The following PDIA5 variants were observed in gnomAD, a reference collection of about 807,000 sequenced individuals.
PDIA5 encodes protein disulfide-isomerase A5.
Under a neutral mutation model 77.6 loss-of-function variants are expected in PDIA5, and 58 were observed. The ratio of observed to expected loss-of-function variants is 0.75; its 90% CI spans 0.61 to 0.93. The LOEUF is 0.93. Ranked by LOEUF, PDIA5 falls within the 40% of genes least tolerant of loss-of-function variation. PDIA5 has a pLI of 0.00. For missense variants in PDIA5, 630 were observed against 647.7 expected (o/e 0.97, Z 0.30); for synonymous variants, 250 against 252.1 (o/e 0.99, Z 0.08).
At chr3:123,085,599 G>T (rs978551440) in intron 1 of PDIA5, among the ~76,000 whole-genome samples, 1 of 152,138 alleles carries the variant, frequency 6.6e-6, no homozygotes, top group Non-Finnish European at 1.5e-5. Flanking sequence ...GCCTCTAGTG[G>T]TTTCTCTTGT....
intron 1 of PDIA5, among the ~76,000 whole-genome samples, chr3:123,068,858 C>G (rs184032127): frequency 6.6e-6 from 1 of 152,146 alleles, no homozygotes; most frequent in African/African-American, 2.4e-5. Context: ...GTACTAGTAT[C>G]CTTCACTGAA....
At position 123,124,265 on chromosome 3, in the gene PDIA5, T is replaced by C. The variant is rs968261465; in HGVS notation, c.702-7T>C. Reference sequence around the variant, plus strand: ...CTGAGCCCACGTTGTTTCTCCACGTTTCACAGGAAAGGACGGTTCTTGTTC... The same window carrying C: ...CTGAGCCCACGTTGTTTCTCCACGTCTCACAGGAAAGGACGGTTCTTGTTC... On this transcript the variant is annotated splice_region_variant and splice_polypyrimidine_tract_variant and intron_variant, in intron 9 of 16. Coordinates refer to ENST00000316218, the MANE Select transcript of PDIA5 (RefSeq NM_006810.4). 1 of 1,611,002 alleles carries C rather than the reference T, an allele frequency of 6.2e-7. No homozygotes were observed. Among genetic ancestry groups the C allele is most frequent in the Non-Finnish European group, 8.5e-7 (1 of 1,177,212 alleles).
intron 10 of PDIA5, among the ~76,000 whole-genome samples, chr3:123,128,505 TTTTTA>T (rs1935293256): frequency 6.6e-6 from 1 of 151,924 alleles, no homozygotes; most frequent in South Asian, 2.1e-4. Flanking sequence ...TATTTTTTAT[TTTTTA>T]TTTTTTTATT....
At chr3:123,103,907 G>A (rs1175411662) in intron 5 of PDIA5, among the ~76,000 whole-genome samples, 2 of 152,332 alleles carry the variant, frequency 1.3e-5, no homozygotes, top group African/African-American at 4.8e-5. Context: ...CTTATGCAAT[G>A]ATGGAAAGAG....
At chr3:123,157,438 C>T (rs1352086269) in intron 15 of PDIA5, among the ~76,000 whole-genome samples, 2 of 152,302 alleles carry the variant, frequency 1.3e-5, no homozygotes, top group Non-Finnish European at 2.9e-5. Flanking sequence ...GGCCTGTCCC[C>T]TCTCCCTTTA....
rs184891500 is a variant in PDIA5, at chr3:123,124,188, C to T, written c.701+31C>T. 8 of 1,590,974 alleles carry T rather than the reference C, an allele frequency of 5.0e-6. No individual in the cohort carries two copies. In the East Asian group the frequency reaches 1.8e-4, roughly 36 times the overall value. Reference sequence around the variant, plus strand: ...TCCCCCACTTTCCTTCTAAAGCTCACCTCCCTCCCTGGTGATTGACCATAA... The same window carrying T: ...TCCCCCACTTTCCTTCTAAAGCTCATCTCCCTCCCTGGTGATTGACCATAA... On this transcript the variant is annotated intron_variant, in intron 9 of 16. Coordinates refer to ENST00000316218, the MANE Select transcript of PDIA5 (RefSeq NM_006810.4).
At chr3:123,146,305 G>GCCC (rs758517984) in intron 13 of PDIA5, 46 bp downstream of exon 13, 1 of 1,545,184 alleles carries the variant, frequency 6.5e-7, no homozygotes, top group Non-Finnish European at 8.9e-7. Flanking sequence ...CCAGCTGGCG[G>GCCC]CCCCTGGAGA....
intron 14 of PDIA5, among the ~76,000 whole-genome samples, chr3:123,153,612 C>G (rs139852619): frequency 1.3e-5 from 2 of 152,126 alleles, no homozygotes; most frequent in Non-Finnish European, 2.9e-5. Context: ...TGGCCCAGGT[C>G]TCTTCTGCTC....
intron 15 of PDIA5, among the ~76,000 whole-genome samples, chr3:123,157,584 C>G (rs1325977890): frequency 6.6e-6 from 1 of 152,104 alleles, no homozygotes; most frequent in African/African-American, 2.4e-5. Context: ...GTTTTTCCAC[C>G]CAGAAGCCAG....
chr3:123,143,318 G>A (rs1254374004), intron 11 of PDIA5, among the ~76,000 whole-genome samples: 2 of 150,708 alleles, frequency 1.3e-5, no homozygotes, highest in Non-Finnish European at 2.9e-5. Flanking sequence ...CCAGGAGGCG[G>A]AGGTTGCAGT....
At chr3:123,161,609 G>A in intron 16 of PDIA5, 154 bp downstream of exon 16, 1 of 821,272 alleles carries the variant, frequency 1.2e-6, no homozygotes, top group East Asian at 2.6e-5. Flanking sequence ...GCCTGGCTGA[G>A]GCTTGACATT....
intron 11 of PDIA5, among the ~76,000 whole-genome samples, chr3:123,133,469 G>A (rs1224086315): frequency 6.6e-6 from 1 of 152,192 alleles, no homozygotes; most frequent in Non-Finnish European, 1.5e-5. Context: ...TTGTTTCTTG[G>A]GATAGGATTG....
intron 6 of PDIA5, among the ~76,000 whole-genome samples, chr3:123,110,525 G>A (rs989721517): frequency 1.3e-5 from 2 of 152,150 alleles, no homozygotes; most frequent in African/African-American, 2.4e-5. Context: ...CAACAAAACC[G>A]CTGTGTAAGT....
chr3:123,114,901 T>C (rs1171589603), intron 7 of PDIA5, among the ~76,000 whole-genome samples: 1 of 152,182 alleles, frequency 6.6e-6, no homozygotes, highest in Admixed American at 6.5e-5. Context: ...TGTGAGTCCA[T>C]CTGTCAGACA....
At chr3:123,119,971 T>G (rs775477478) in intron 8 of PDIA5, among the ~76,000 whole-genome samples, 69 of 152,198 alleles carry the variant, frequency 4.5e-4, no homozygotes, top group Non-Finnish European at 1.5e-4. Context: ...AACTTACAGC[T>G]GCCTCTTTTG....
intron 6 of PDIA5, among the ~76,000 whole-genome samples, chr3:123,109,752 G>C (rs1055119235): frequency 3.4e-4 from 52 of 151,770 alleles, no homozygotes; most frequent in African/African-American, 1.2e-3. Context: ...TATTTTTGTA[G>C]TCTTCCAGGC....
intron 3 of PDIA5, among the ~76,000 whole-genome samples, chr3:123,097,775 GTCCAC>G (rs1934478764): frequency 6.6e-6 from 1 of 152,028 alleles, no homozygotes; most frequent in South Asian, 2.1e-4. Context: ...GGCATCACAG[GTCCAC>G]CTGGCCAGAA....
At chr3:123,138,779 T>C (rs952730815) in intron 11 of PDIA5, among the ~76,000 whole-genome samples, 1 of 152,104 alleles carries the variant, frequency 6.6e-6, no homozygotes, top group Non-Finnish European at 1.5e-5. Context: ...TCTGCTGGCA[T>C]TTGTAGGAAA....
At chr3:123,086,492 C>A (rs1487295723) in intron 1 of PDIA5, among the ~76,000 whole-genome samples, 1 of 152,172 alleles carries the variant, frequency 6.6e-6, no homozygotes, top group East Asian at 1.9e-4. Flanking sequence ...TACTTACTAG[C>A]TATGTAATTT....
Sources: allele counts gnomAD v4.1 joint callset (sites outside exome capture counted in the v4.1 genomes callset), GRCh38; gene constraint gnomAD v4.1.1; transcripts MANE v1.5; gene names NCBI Gene and HGNC (gene_info 2026-07-23, HGNC 2026-07-21).